Variants in FOXP1 observed in about 807,000 individuals in gnomAD.
The protein encoded by FOXP1 is forkhead box protein P1.
Under a neutral mutation model 98.2 loss-of-function variants are expected in FOXP1, and 15 were observed. That is an observed-to-expected ratio of 0.15 (90% CI 0.10 to 0.24). The LOEUF is 0.24. Among genes scored for constraint, FOXP1 ranks in the 10% least tolerant of loss-of-function variants. FOXP1 has a pLI of 1.00. For synonymous variants in FOXP1, 371 were observed against 314.5 expected (o/e 1.18, Z -1.90); for missense variants, 633 against 848.5 (o/e 0.75, Z 3.15).
chr3:71,534,930 C>T (rs1191775394), intron 2 of FOXP1, among the ~76,000 whole-genome samples: 1 of 152,174 alleles, frequency 6.6e-6, no homozygotes, highest in African/African-American at 2.4e-5. Context: ...CATACGTGGC[C>T]AAGGCTAGAC....
At chr3:71,354,063 T>G (rs1279956884) in intron 4 of FOXP1, among the ~76,000 whole-genome samples, 1 of 151,598 alleles carries the variant, frequency 6.6e-6, no homozygotes, top group East Asian at 1.9e-4. Context: ...TCCCAGCACT[T>G]TGGGAGGCTG....
intron 5 of FOXP1, among the ~76,000 whole-genome samples, chr3:71,235,486 T>G (rs2066692940): frequency 6.6e-6 from 1 of 152,222 alleles, no homozygotes; most frequent in African/African-American, 2.4e-5. Context: ...ACAAGCTTCC[T>G]GAAGTCAGGG....
chr3:71,210,075 G>C (rs530583980), intron 5 of FOXP1, among the ~76,000 whole-genome samples: 1 of 152,244 alleles, frequency 6.6e-6, no homozygotes, highest in East Asian at 1.9e-4. Flanking sequence ...ACACCTAAGT[G>C]GATTCTGGCA....
intron 3 of FOXP1, among the ~76,000 whole-genome samples, chr3:71,477,189 C>A (rs892323710): frequency 6.6e-6 from 1 of 152,158 alleles, no homozygotes; most frequent in African/African-American, 2.4e-5. Context: ...CCACCAAAAG[C>A]AGCACACAAT....
chr3:71,091,850 G>GA (rs2055884203), intron 7 of FOXP1, among the ~76,000 whole-genome samples: 1 of 152,150 alleles, frequency 6.6e-6, no homozygotes, highest in East Asian at 1.9e-4. Flanking sequence ...TTGGAAATAA[G>GA]AAACAAAGTT....
intron 2 of FOXP1, among the ~76,000 whole-genome samples, chr3:71,531,328 G>A (rs940633820): frequency 2.6e-5 from 4 of 152,172 alleles, no homozygotes; most frequent in African/African-American, 7.2e-5. Flanking sequence ...GCAGCTGCCC[G>A]GCAGCAGCTC....
chr3:71,169,261 G>A (rs1213635468), intron 6 of FOXP1, among the ~76,000 whole-genome samples: 4 of 152,126 alleles, frequency 2.6e-5, no homozygotes, highest in Admixed American at 6.5e-5. Context: ...GTAAATGGAC[G>A]CCTCTGCCCT....
intron 5 of FOXP1, among the ~76,000 whole-genome samples, chr3:71,227,529 C>T (rs1449765304): frequency 6.6e-6 from 1 of 152,118 alleles, no homozygotes; most frequent in Non-Finnish European, 1.5e-5. Flanking sequence ...CCTATGATAA[C>T]ATTTCCTGAG....
At chr3:71,541,293 C>T (rs567773827) in intron 2 of FOXP1, among the ~76,000 whole-genome samples, 1 of 152,074 alleles carries the variant, frequency 6.6e-6, no homozygotes, top group African/African-American at 2.4e-5. Flanking sequence ...TGTAGACATA[C>T]CCTAGAAGAG....
In FOXP1 at chr3:71,198,201, C is replaced by CCTGTTG; in HGVS notation, c.175_180dup (p.Gln59_Gln60dup). ...CCTCCCAAGACTCCAAAGCCCAGTA[C>CCTGTTG]CTGTTGCTGCTGCTGCTGGGCGTGG... On this transcript the variant is annotated inframe_insertion and splice_region_variant. Transcript: ENST00000649528. 1 of 1,614,132 alleles carries CCTGTTG rather than the reference C, an allele frequency of 6.2e-7. No homozygotes were observed. The highest frequency in any genetic ancestry group is 1.1e-5 in the South Asian group (1 of 91,090).
chr3:71,394,027 C>T (rs963921285), intron 3 of FOXP1, among the ~76,000 whole-genome samples: 3 of 152,146 alleles, frequency 2.0e-5, no homozygotes, highest in South Asian at 2.1e-4. Flanking sequence ...CAAATGTCTG[C>T]GGAGCAGAGC....
At chr3:71,132,152 G>C (rs2059605198) in intron 6 of FOXP1, among the ~76,000 whole-genome samples, 1 of 152,230 alleles carries the variant, frequency 6.6e-6, no homozygotes, top group South Asian at 2.1e-4. Flanking sequence ...CTGCGTTGCA[G>C]TATCAAAAGG....
intron 4 of FOXP1, among the ~76,000 whole-genome samples, chr3:71,342,408 A>T (rs1359910396): frequency 6.6e-6 from 1 of 152,076 alleles, no homozygotes; most frequent in Non-Finnish European, 1.5e-5. Context: ...AGTGGCTCAC[A>T]CCTGTAATCC....
chr3:71,233,386 T>C (rs961140298), intron 5 of FOXP1, among the ~76,000 whole-genome samples: 7 of 151,958 alleles, frequency 4.6e-5, no homozygotes, highest in Admixed American at 3.3e-4. Flanking sequence ...TTACCATGAT[T>C]GAAAGGAAGG....
At chr3:71,448,728 C>T (rs1377787507) in intron 3 of FOXP1, among the ~76,000 whole-genome samples, 1 of 152,196 alleles carries the variant, frequency 6.6e-6, no homozygotes, top group African/African-American at 2.4e-5. Flanking sequence ...TAATTCCTGT[C>T]GGCTGCTTTA....
intron 6 of FOXP1, among the ~76,000 whole-genome samples, chr3:71,163,337 T>TA (rs571284103): frequency 2.1e-4 from 32 of 152,284 alleles, no homozygotes; most frequent in Admixed American, 9.8e-4. Context: ...CAAGGGAACT[T>TA]AGAGAGCGGG....
intron 7 of FOXP1, among the ~76,000 whole-genome samples, chr3:71,099,261 A>G (rs1173616410): frequency 6.6e-6 from 1 of 152,210 alleles, no homozygotes; most frequent in Non-Finnish European, 1.5e-5. Flanking sequence ...CTATAATCCC[A>G]GCACTGTGGG....
intron 2 of FOXP1, among the ~76,000 whole-genome samples, chr3:71,496,574 C>A (rs1161824628): frequency 6.6e-6 from 1 of 152,182 alleles, no homozygotes; most frequent in Admixed American, 6.5e-5. Context: ...GTAATCCCAG[C>A]ACTTTGGGAG....
At chr3:70,959,498 C>G in intron 20 of FOXP1, 107 bp from the exon 21 acceptor site, 2 of 1,225,030 alleles carry the variant, frequency 1.6e-6, no homozygotes, top group Middle Eastern at 2.5e-4. Flanking sequence ...AGAACTAGAA[C>G]TCTGTCCAGT....
Sources: allele counts gnomAD v4.1 joint callset (sites outside exome capture counted in the v4.1 genomes callset), GRCh38; gene constraint gnomAD v4.1.1; transcripts MANE v1.5; gene names NCBI Gene and HGNC (gene_info 2026-07-23, HGNC 2026-07-21).